The following SRRD variants were observed in gnomAD, a reference collection of about 807,000 sequenced individuals.
SRRD encodes SRR1 domain containing.
In SRRD, 28 loss-of-function variants were observed where a neutral mutation model predicts 30.7. That is an observed-to-expected ratio of 0.91 (90% CI 0.68 to 1.25). The LOEUF (loss-of-function observed/expected upper bound fraction) is 1.25, where lower values mean the gene tolerates loss of function less well. Among genes scored for constraint, SRRD ranks in the 50% most tolerant of loss-of-function variants. The probability of loss-of-function intolerance (pLI) is 0.00; values close to 1 mark genes in which losing one functional copy is unlikely to be tolerated. For synonymous variants in SRRD, 161 were observed against 159.6 expected, an observed-to-expected ratio of 1.01 and a Z score of -0.07; for missense variants, 415 against 417.3, an observed-to-expected ratio of 0.99 and a Z score of 0.05.
intron 1 of SRRD, 42 bp from the exon 2 acceptor site, chr22:26,485,981 G>A: frequency 6.2e-7 from 1 of 1,613,854 alleles, no homozygotes. Flanking sequence ...GGGCAGCCCT[G>A]AGATGGGTGG....
In SRRD at chr22:26,488,508, G is replaced by T. The variant is rs368699665; in HGVS notation, c.609+20G>T. 53 of 1,585,508 alleles carry T rather than the reference G, an allele frequency of 3.3e-5. No homozygotes were observed. Among genetic ancestry groups the T allele is most frequent in the Non-Finnish European group, 4.4e-5 (51 of 1,154,102 alleles). On this transcript the variant is annotated intron_variant, in intron 4 of 6. Transcript: ENST00000215917. ...AACGAGGTAAGTGGTTTAAAGGGGA[G>T]CAGACAGAACTGTAAAAATCCTGAC...
chr22:26,493,078 G>C lies in SRRD; in HGVS notation c.*1406G>C, dbSNP rs1041348949. The C allele has an allele frequency of 2.6e-5, 4 of 151,518 alleles. No individual in the cohort carries two copies. The highest frequency in any genetic ancestry group is 4.9e-5 in the African/African-American group (2 of 41,160). 9.4% of individuals were successfully genotyped at this position (151,518 alleles called of 1,614,324 possible). On this transcript the variant is annotated 3_prime_UTR_variant, in exon 7 of 7. Coordinates refer to ENST00000215917, the MANE Select transcript of SRRD (RefSeq NM_001013694.3). ...TCTCGCTCTTGTCACCTAGGCTGGAGTGCAGTGCTTGCAATCTCGGCTCAC... is the reference window on the plus strand; with the variant it reads ...TCTCGCTCTTGTCACCTAGGCTGGACTGCAGTGCTTGCAATCTCGGCTCAC...
chr22:26,485,180 T>C (rs5761560), intron 1 of SRRD, among the ~76,000 whole-genome samples: 67,830 of 152,150 alleles, frequency 0.45, 15,660 homozygotes, highest in Middle Eastern at 0.49. Flanking sequence ...GCTTCAGTAT[T>C]CCCCAGGAGC....
rs1367596224 is a variant in SRRD at position 26,491,743 on chromosome 22, G to A, written c.*71G>A. On this transcript the variant is annotated 3_prime_UTR_variant, in exon 7 of 7. Coordinates refer to ENST00000215917, the MANE Select transcript of SRRD (RefSeq NM_001013694.3). ...CAGAGACTAAAGGGAAGGCTGCTAT[G>A]GAGGAACTACAGAGAACTCCTTTGC... 2 of 1,396,832 alleles carry A rather than the reference G, an allele frequency of 1.4e-6. No individual in the cohort carries two copies. Among genetic ancestry groups the A allele is most frequent in the East Asian group, 2.3e-5 (1 of 43,234 alleles). 86.5% of individuals were successfully genotyped at this position (1,396,832 alleles called of 1,614,324 possible).
intron 4 of SRRD, among the ~76,000 whole-genome samples, chr22:26,488,791 A>T (rs549012003): frequency 6.6e-6 from 1 of 152,364 alleles, no homozygotes; most frequent in African/African-American, 2.4e-5. Flanking sequence ...TTGCTACTGA[A>T]ACATAAAAGT....
In SRRD at chr22:26,491,605, A is replaced by G; in HGVS notation, c.953A>G (p.Asp318Gly). The G allele has an allele frequency of 6.2e-7, 1 of 1,614,172 alleles. No homozygotes were observed. Among genetic ancestry groups the G allele is most frequent in the South Asian group, 1.1e-5 (1 of 91,088 alleles). Residue 318 changes from aspartate to glycine, a missense_variant, in exon 7 of 7, where the codon GAT (aspartate) becomes GGT (glycine). Physicochemically the swap from Asp to Gly is moderately conservative, Grantham distance 94. Transcript: ENST00000215917. ...ATTTGGGAGTTTCGGGAAGAACCAG[A>G]TTATCAGGACTGTGAGGACCTTGAA... is the stretch of plus-strand genomic sequence containing the variant. ...IDIWEFREEP[D>G]YQDCEDLEII...
chr22:26,485,409 T>G (rs2091685595), intron 1 of SRRD, among the ~76,000 whole-genome samples: 1 of 152,258 alleles, frequency 6.6e-6, no homozygotes, highest in Non-Finnish European at 1.5e-5. Context: ...TCACTGTCTC[T>G]GGCTGTGGCT....
Position 26,491,715 on chromosome 22 carries a change from C to T in SRRD, c.*43C>T. 6.5e-7 allele frequency: 1 copy of T among 1,549,156 alleles called. No individual in the cohort carries two copies. The highest frequency in any genetic ancestry group is 1.1e-5 in the South Asian group (1 of 88,884). On this transcript the variant is annotated 3_prime_UTR_variant, in exon 7 of 7. Coordinates refer to ENST00000215917, the MANE Select transcript of SRRD (RefSeq NM_001013694.3). ...CAGTGTTGGCTGAGGTAGAAGCTGC[C>T]ACCAGAGACTAAAGGGAAGGCTGCT...
Position 26,486,085 on chromosome 22 carries a change from G to A in SRRD, c.250+22G>A, listed in dbSNP as rs924358796. 23 of 1,614,006 alleles carry A rather than the reference G, an allele frequency of 1.4e-5. No individual in the cohort carries two copies. In the African/African-American group the frequency reaches 3.1e-4, roughly 22 times the overall value. Reference sequence around the variant, plus strand: ...CTAGGTGGGTACCACTTGGCCAATGGTAGGGATTGTGGGGCAGAAAAGAGA... The same window carrying A: ...CTAGGTGGGTACCACTTGGCCAATGATAGGGATTGTGGGGCAGAAAAGAGA... On this transcript the variant is annotated intron_variant, in intron 2 of 6. Coordinates refer to ENST00000215917, the MANE Select transcript of SRRD (RefSeq NM_001013694.3).
chr22:26,489,437 G>A (rs554785766), intron 4 of SRRD, among the ~76,000 whole-genome samples: 9 of 152,182 alleles, frequency 5.9e-5, no homozygotes, highest in African/African-American at 2.2e-4. Flanking sequence ...TTTGCTAGTG[G>A]GACAGAACCA....
At position 26,494,592 on chromosome 22, in the gene SRRD, G is replaced by T; in HGVS notation, c.*2920G>T. 1.3e-6 allele frequency: 1 copy of T among 789,038 alleles called. No individual in the cohort carries two copies. The highest frequency in any genetic ancestry group is 2.0e-6 in the Non-Finnish European group (1 of 507,676). The allele number at this position is 789,038 out of a possible 1,614,324, so 48.9% of individuals were successfully genotyped here. ...GGTTGCTGAGAGGAGCTGAGATAAA[G>T]CAAATAAAGTGCTTGGAACAGCTTC... On this transcript the variant is annotated 3_prime_UTR_variant, in exon 7 of 7. Coordinates refer to ENST00000215917, the MANE Select transcript of SRRD (RefSeq NM_001013694.3).
Position 26,494,080 on chromosome 22 carries a change from T to TA in SRRD, c.*2409dup. 1.3e-6 allele frequency: 2 copies of TA among 1,590,160 alleles called. No individual in the cohort carries two copies. Among genetic ancestry groups the TA allele is most frequent in the Non-Finnish European group, 1.7e-6 (2 of 1,163,746 alleles). Reference sequence around the variant, plus strand: ...CAGAAAACTCTGATTCTGTGTCATTTACATGTGTAAAATCTGAAACTTGGG... The same window carrying TA: ...CAGAAAACTCTGATTCTGTGTCATTTAACATGTGTAAAATCTGAAACTTGGG... On this transcript the variant is annotated 3_prime_UTR_variant, in exon 7 of 7. Coordinates refer to ENST00000215917, the MANE Select transcript of SRRD (RefSeq NM_001013694.3).
At chr22:26,489,725 A>G (rs1288208339) in intron 4 of SRRD, among the ~76,000 whole-genome samples, 1 of 152,158 alleles carries the variant, frequency 6.6e-6, no homozygotes, top group Admixed American at 6.5e-5. Context: ...ACATGGGGTA[A>G]GTAACATCAC....
rs1921673942 is a variant in SRRD, at chr22:26,494,543, G to C, written c.*2871G>C. 4 of 698,156 alleles carry C rather than the reference G, an allele frequency of 5.7e-6. No individual in the cohort carries two copies. The Admixed American group carries it at 1.1e-4, about 20-fold the overall frequency. The allele number at this position is 698,156 out of a possible 1,614,324, so 43.2% of individuals were successfully genotyped here. A position where few individuals can be genotyped will look rare whatever the true frequency, so the allele number is the denominator to read the frequency against. On this transcript the variant is annotated 3_prime_UTR_variant, in exon 7 of 7. Transcript: ENST00000215917. The stretch of plus-strand genomic sequence containing the variant: ...TCAGCTTCCATGTCTACACAACAGG[G>C]ATACCATATCCCCTACCCCATAGGG...
rs769576382 is a variant in SRRD, at chr22:26,488,133, G to C, written c.355G>C (p.Glu119Gln). The change falls in exon 3 of 7, where the codon GAG (glutamate) becomes CAG (glutamine). Residue 119 changes from glutamate to glutamine, a missense_variant. Glu to Gln is a conservative substitution (Grantham distance 29). Coordinates refer to ENST00000215917, the MANE Select transcript of SRRD (RefSeq NM_001013694.3). The part of the protein sequence containing the change: ...GNLHLDSLPE[E>Q]SDVATDSIPR... ...CCTGCATCTTGACTCATTGCCAGAGGAGTCAGATGTGGCCACTGATTCTAT... is the reference window on the plus strand; with the variant it reads ...CCTGCATCTTGACTCATTGCCAGAGCAGTCAGATGTGGCCACTGATTCTAT... The C allele has an allele frequency of 1.1e-5, 17 of 1,614,062 alleles. No individual in the cohort carries two copies. The highest frequency in any genetic ancestry group is 1.4e-5 in the Non-Finnish European group (17 of 1,180,038).
At chr22:26,490,286 C>G (rs542458361) in intron 5 of SRRD, 88 bp downstream of exon 5, 1 of 1,416,752 alleles carries the variant, frequency 7.1e-7, no homozygotes, top group Non-Finnish European at 9.7e-7. Context: ...ATTTCCTTGA[C>G]GATTCCATAC....
intron 1 of SRRD, 22 bp from the exon 2 acceptor site, chr22:26,485,999 CTG>C: frequency 2.5e-6 from 4 of 1,614,186 alleles, no homozygotes; most frequent in African/African-American, 1.3e-5. Context: ...TGGGACATGA[CTG>C]TGCCATTTTT....
At chr22:26,490,246 A>T in intron 5 of SRRD, 48 bp downstream of exon 5, 1 of 1,595,930 alleles carries the variant, frequency 6.3e-7, no homozygotes, top group East Asian at 2.2e-5. Flanking sequence ...GGTGAAGCCC[A>T]TACCTCAGAT....
intron 6 of SRRD, 81 bp downstream of exon 6, chr22:26,491,151 G>A: frequency 2.1e-6 from 3 of 1,417,808 alleles, no homozygotes; most frequent in Non-Finnish European, 2.9e-6. Flanking sequence ...AGGCGTAGGA[G>A]GAAACTCATG....
Sources: gnomAD v4.1 joint callset for allele counts (sites outside exome capture counted in the v4.1 genomes callset) on GRCh38, gnomAD v4.1.1 for gene constraint, MANE v1.5 for transcripts, NCBI Gene and HGNC (gene_info 2026-07-23, HGNC 2026-07-21) for gene names.